DLGAP4: variants seen among roughly 807,000 people sequenced by gnomAD.
DLGAP4 encodes the protein DLG associated protein 4.
A neutral mutation model predicts 86.9 loss-of-function variants in DLGAP4; 18 were observed. That is an observed-to-expected ratio of 0.21 (90% CI 0.14 to 0.31). DLGAP4 has a LOEUF of 0.31. Among genes scored for constraint, DLGAP4 ranks in the 10% least tolerant of loss-of-function variants. The pLI is 1.00. For synonymous variants in DLGAP4, 548 were observed against 574.3 expected (o/e 0.95, Z 0.65); for missense variants, 1,085 against 1,362.6 (o/e 0.80, Z 3.21).
intron 12 of DLGAP4, 46 bp from the exon 13 acceptor site, chr20:36,526,766 TG>T (rs1569527832): frequency 1.3e-6 from 2 of 1,512,186 alleles, no homozygotes; most frequent in Non-Finnish European, 1.8e-6. Flanking sequence ...ACACAAAACG[TG>T]GCACCTTTAT....
intron 2 of DLGAP4, among the ~76,000 whole-genome samples, chr20:36,379,617 G>A (rs747298720): frequency 2.0e-5 from 3 of 152,170 alleles, no homozygotes; most frequent in Non-Finnish European, 4.4e-5. Context: ...TTAGAGGAGA[G>A]CCTGGTGCTG....
At chr20:36,520,462 C>T (rs2037307300) in intron 10 of DLGAP4, among the ~76,000 whole-genome samples, 1 of 152,110 alleles carries the variant, frequency 6.6e-6, no homozygotes, top group Non-Finnish European at 1.5e-5. Flanking sequence ...TCTCCTGCCT[C>T]AGCACCCCCG....
chr20:36,387,197 G>T (rs186710284), intron 2 of DLGAP4, among the ~76,000 whole-genome samples: 4 of 152,094 alleles, frequency 2.6e-5, no homozygotes, highest in African/African-American at 9.7e-5. Context: ...TTGATTCATC[G>T]CTCTTTAATT....
intron 2 of DLGAP4, among the ~76,000 whole-genome samples, chr20:36,372,262 C>A (rs1338989497): frequency 6.6e-6 from 1 of 152,190 alleles, no homozygotes; most frequent in Non-Finnish European, 1.5e-5. Context: ...TACCGTGTGT[C>A]GGCTTGTCCT....
intron 2 of DLGAP4, among the ~76,000 whole-genome samples, chr20:36,388,885 C>T (rs1331078468): frequency 2.0e-5 from 3 of 152,166 alleles, no homozygotes; most frequent in Admixed American, 2.0e-4. Flanking sequence ...GAAAGGGGCA[C>T]CCAGATGGGC....
At chr20:36,499,349 A>AAGCCCCCCCC in intron 8 of DLGAP4, 1 of 1,590,152 alleles carries the variant, frequency 6.3e-7, no homozygotes. Flanking sequence ...TCTCCACCCC[A>AAGCCCCCCCC]TCCCACCTCC....
chr20:36,439,933 A>T (rs2033399041), intron 5 of DLGAP4, 65 bp downstream of exon 5: 3 of 1,392,012 alleles, frequency 2.2e-6, no homozygotes, highest in Non-Finnish European at 3.0e-6. Flanking sequence ...TGGGAGGAGG[A>T]CACACGCCCA....
At chr20:36,330,307 G>C (rs1182380849) in intron 1 of DLGAP4, among the ~76,000 whole-genome samples, 2 of 152,124 alleles carry the variant, frequency 1.3e-5, no homozygotes, top group Non-Finnish European at 2.9e-5. Context: ...CTATCGTGGT[G>C]GGGGCGGCAG....
At chr20:36,344,457 T>G (rs187963178) in intron 1 of DLGAP4, among the ~76,000 whole-genome samples, 2 of 152,304 alleles carry the variant, frequency 1.3e-5, no homozygotes, top group African/African-American at 4.8e-5. Flanking sequence ...ATGCCTCATC[T>G]GCACTTGGTC....
At chr20:36,313,003 C>T (rs1569451210) in intron 1 of DLGAP4, among the ~76,000 whole-genome samples, 1 of 152,084 alleles carries the variant, frequency 6.6e-6, no homozygotes, top group Non-Finnish European at 1.5e-5. Context: ...AGTTTGGTTT[C>T]TGAGTCTTTC....
chr20:36,470,172 A>T (rs1305550650), intron 7 of DLGAP4, among the ~76,000 whole-genome samples: 2 of 152,038 alleles, frequency 1.3e-5, no homozygotes, highest in African/African-American at 4.8e-5. Context: ...GTTTCACTTA[A>T]TTTCCCGTCC....
intron 2 of DLGAP4, among the ~76,000 whole-genome samples, chr20:36,396,181 G>A (rs2031942171): frequency 6.6e-6 from 1 of 151,934 alleles, no homozygotes; most frequent in Admixed American, 6.6e-5. Flanking sequence ...CTCCTACTGG[G>A]TGACCTTGGG....
At chr20:36,344,406 A>G (rs1436372168) in intron 1 of DLGAP4, among the ~76,000 whole-genome samples, 1 of 152,212 alleles carries the variant, frequency 6.6e-6, no homozygotes, top group Non-Finnish European at 1.5e-5. Flanking sequence ...CCACAATGTA[A>G]CAGTGATGGC....
chr20:36,334,100 C>A (rs1347409054), intron 1 of DLGAP4, among the ~76,000 whole-genome samples: 2 of 152,168 alleles, frequency 1.3e-5, no homozygotes, highest in Non-Finnish European at 2.9e-5. Flanking sequence ...GGGCTGGGCA[C>A]CAGAAGCACA....
chr20:36,382,527 C>CTTTTTTTTTTTTTTTTTTT (rs749210064), intron 2 of DLGAP4, among the ~76,000 whole-genome samples: 5 of 110,470 alleles, frequency 4.5e-5, no homozygotes, highest in East Asian at 2.9e-4. Flanking sequence ...TTCTTTTTTT[C>CTTTTTTTTTTTTTTTTTTT]TTTTTTTTTT....
chr20:36,447,950 T>G (rs1600543424), intron 7 of DLGAP4, among the ~76,000 whole-genome samples: 2 of 136,286 alleles, frequency 1.5e-5, no homozygotes, highest in African/African-American at 2.7e-5. Flanking sequence ...AAATATCTAA[T>G]GCATGTGGGG....
Position 36,527,990 on chromosome 20 carries a change from A to T in DLGAP4, c.*959A>T, listed in dbSNP as rs1382608148. 2 of 152,496 alleles carry T rather than the reference A, an allele frequency of 1.3e-5. No individual in the cohort carries two copies. Among genetic ancestry groups the T allele is most frequent in the African/African-American group, 4.8e-5 (2 of 41,394 alleles). The allele number at this position is 152,496 out of a possible 1,614,324, so 9.4% of individuals were successfully genotyped here. A position where few individuals can be genotyped will look rare whatever the true frequency, so the allele number is the denominator to read the frequency against. On this transcript the variant is annotated 3_prime_UTR_variant, in exon 13 of 13. Coordinates refer to ENST00000339266, the MANE Select transcript of DLGAP4 (RefSeq NM_001365621.2). ...ATAGTTAACAAACGCCCATCTGCTC[A>T]CCCATGCCCACCCAGCGCCGCCGCC...
intron 7 of DLGAP4, among the ~76,000 whole-genome samples, chr20:36,475,481 T>G (rs1490173899): frequency 6.6e-6 from 1 of 152,204 alleles, no homozygotes; most frequent in African/African-American, 2.4e-5. Context: ...AGTGCTGGGA[T>G]TACAGGCGTG....
At chr20:36,455,817 G>A (rs760822669) in intron 7 of DLGAP4, among the ~76,000 whole-genome samples, 43 of 152,014 alleles carry the variant, frequency 2.8e-4, no homozygotes, top group African/African-American at 3.9e-4. Flanking sequence ...AAGGGAGGTT[G>A]ATAAAATTGC....
Sources: gnomAD v4.1 joint callset for allele counts (sites outside exome capture counted in the v4.1 genomes callset) on GRCh38, gnomAD v4.1.1 for gene constraint, MANE v1.5 for transcripts, NCBI Gene and HGNC (gene_info 2026-07-23, HGNC 2026-07-21) for gene names.